Variants in WDR1 observed in about 807,000 individuals in gnomAD.
The protein encoded by WDR1 is WD repeat-containing protein 1.
In WDR1, 21 loss-of-function variants were observed where a neutral mutation model predicts 71.9. The observed-to-expected ratio is 0.29, with a 90% CI of 0.21 to 0.42. The LOEUF (loss-of-function observed/expected upper bound fraction) is 0.42. Among genes scored for constraint, WDR1 ranks in the 10% least tolerant of loss-of-function variants. WDR1 has a pLI of 1.00. For synonymous variants in WDR1, 424 were observed against 347.4 expected, an observed-to-expected ratio of 1.22 and a Z score of -2.45; for missense variants, 696 against 824.5, an observed-to-expected ratio of 0.84 and a Z score of 1.91.
chr4:10,084,425 C>T lies in WDR1; in HGVS notation c.1039+18G>A. On this transcript the variant is annotated intron_variant, in intron 9 of 14. Coordinates refer to ENST00000499869, the MANE Select transcript of WDR1 (RefSeq NM_017491.5). The stretch of plus-strand genomic sequence containing the variant: ...AGAGCCAGCGGCTCCGGAGCCAGCT[C>T]TTTGAGTCAAAGGATATTAATGTGT... The T allele has an allele frequency of 6.2e-7, 1 of 1,612,036 alleles. No individual in the cohort carries two copies. The highest frequency in any genetic ancestry group is 8.5e-7 in the Non-Finnish European group (1 of 1,178,814).
intron 3 of WDR1, among the ~76,000 whole-genome samples, chr4:10,102,777 A>G (rs891545162): frequency 2.6e-5 from 4 of 152,178 alleles, no homozygotes; most frequent in African/African-American, 9.6e-5. Flanking sequence ...CACGGCGTGC[A>G]TGAGTCCCGC....
At chr4:10,078,035 T>A in intron 12 of WDR1, 109 bp from the exon 13 acceptor site, 1 of 1,303,558 alleles carries the variant, frequency 7.7e-7, no homozygotes, top group African/African-American at 1.5e-5. Context: ...TCCCACTGAC[T>A]GCTGCTCTGC....
At chr4:10,077,209 G>C in intron 14 of WDR1, 95 bp downstream of exon 14, 2 of 1,501,470 alleles carry the variant, frequency 1.3e-6, no homozygotes, top group Admixed American at 2.0e-5. Flanking sequence ...AGGCTACTTA[G>C]CCCTGGGGAC....
At chr4:10,112,442 G>A (rs894331651) in intron 2 of WDR1, among the ~76,000 whole-genome samples, 3 of 152,124 alleles carry the variant, frequency 2.0e-5, no homozygotes, top group South Asian at 2.1e-4. Context: ...TTTCTACATG[G>A]CCACCATTAT....
intron 2 of WDR1, among the ~76,000 whole-genome samples, chr4:10,109,046 A>T (rs1045427461): frequency 1.3e-5 from 2 of 152,278 alleles, no homozygotes; most frequent in Non-Finnish European, 2.9e-5. Context: ...TTATCAAGAA[A>T]CAAATCCCCA....
intron 8 of WDR1, 51 bp from the exon 9 acceptor site, chr4:10,084,581 C>G: frequency 6.5e-7 from 1 of 1,549,484 alleles, no homozygotes; most frequent in Non-Finnish European, 8.9e-7. Flanking sequence ...CTGCCCTGCC[C>G]TCTGCCACCC....
chr4:10,116,178 C>T lies in WDR1; in HGVS notation c.73G>A (p.Gly25Ser). 6.2e-7 allele frequency: 1 copy of T among 1,613,756 alleles called. No individual in the cohort carries two copies. Among genetic ancestry groups the T allele is most frequent in the Admixed American group, 1.7e-5 (1 of 60,006 alleles). Residue 25 changes from glycine to serine, a missense_variant, in exon 2 of 15, where the codon GGC becomes AGC. Coordinates refer to ENST00000499869, the MANE Select transcript of WDR1 (RefSeq NM_017491.5). ...VERGVSKIIG[G>S]DPKGNNFLYT... ...AGAAAATTGTTGCCCTTAGGGTCGC[C>T]GCCGATGATCTTGGAGACGCCCCTC...
chr4:10,109,781 A>G (rs567850311), intron 2 of WDR1, among the ~76,000 whole-genome samples: 314 of 152,312 alleles, frequency 2.1e-3, no homozygotes, highest in African/African-American at 7.2e-3. Context: ...GGTGGCTCCC[A>G]GGGTTCAAAT....
At chr4:10,093,132 C>A in intron 5 of WDR1, 1 of 1,289,410 alleles carries the variant, frequency 7.8e-7, no homozygotes, top group Non-Finnish European at 1.0e-6. Flanking sequence ...GCTGCAGGCC[C>A]CAGCTGGCCT....
rs1711721121 is a variant in WDR1, at chr4:10,088,295, C to T, written c.715G>A (p.Ala239Thr). Residue 239 changes from alanine (A) to threonine (T), a missense_variant and splice_region_variant, in exon 7 of 15, where the codon GCA becomes ACA. Transcript: ENST00000499869. ...GSKAHDGGIY[A>T]ISWSPDSTHL... ...CCGGGAAACACGCTCATACTCACTGCGTAAATCCCACCGTCGTGGGCCTTG... is the reference window on the plus strand; with the variant it reads ...CCGGGAAACACGCTCATACTCACTGTGTAAATCCCACCGTCGTGGGCCTTG... 3.2e-6 allele frequency: 5 copies of T among 1,552,982 alleles called. No homozygotes were observed. Among genetic ancestry groups the T allele is most frequent in the Non-Finnish European group, 4.4e-6 (5 of 1,148,004 alleles).
At chr4:10,079,996 G>T (rs1764951739) in intron 11 of WDR1, among the ~76,000 whole-genome samples, 1 of 152,050 alleles carries the variant, frequency 6.6e-6, no homozygotes, top group Non-Finnish European at 1.5e-5. Flanking sequence ...CTGGTGACAG[G>T]GAGCTCTGCA....
intron 4 of WDR1, among the ~76,000 whole-genome samples, chr4:10,098,360 T>C (rs1712482675): frequency 6.6e-6 from 1 of 152,204 alleles, no homozygotes; most frequent in Non-Finnish European, 1.5e-5. Flanking sequence ...GAAAAACACC[T>C]ACTAGAACAT....
Position 10,084,487 on chromosome 4 carries a change from C to T in WDR1, c.995G>A (p.Gly332Asp). ...CCCAGAGTAAATGTAGGACTTGCCG[C>T]CGTTTTTATGCACCGTCAGACACTG... ...SIQCLTVHKN[G>D]GKSYIYSGSH... is the part of the protein sequence containing the mutation. The change falls in exon 9 of 15, where the codon GGC becomes GAC. Residue 332 changes from glycine to aspartate, a missense_variant. Physicochemically the swap from Gly to Asp is moderately conservative, Grantham distance 94. Coordinates refer to ENST00000499869, the MANE Select transcript of WDR1 (RefSeq NM_017491.5). 6.2e-7 allele frequency: 1 copy of T among 1,613,934 alleles called. No homozygotes were observed. Among genetic ancestry groups the T allele is most frequent in the African/African-American group, 1.3e-5 (1 of 75,022 alleles).
intron 5 of WDR1, among the ~76,000 whole-genome samples, chr4:10,089,019 T>G (rs1209362832): frequency 2.0e-5 from 3 of 152,016 alleles, no homozygotes; most frequent in East Asian, 3.9e-4. Flanking sequence ...CCCCCCCCAG[T>G]GAGGTGCCCC....
At chr4:10,115,604 A>G (rs542273925) in intron 2 of WDR1, among the ~76,000 whole-genome samples, 3 of 152,330 alleles carry the variant, frequency 2.0e-5, no homozygotes, top group Admixed American at 6.5e-5. Context: ...CCAGCAGCTC[A>G]TTCATTCCAT....
In WDR1 at chr4:10,078,958, T is replaced by C. The variant is rs752504231; in HGVS notation, c.1328A>G (p.Asn443Ser). The stretch of plus-strand genomic sequence containing the variant: ...CACAACTTCGGGCTCGTAGCCGGGG[T>C]TGTCGATGCTGAAGCACTTCCTCTG... ...KDQRKCFSID[N>S]PGYEPEVVAV... Residue 443 changes from asparagine (N) to serine (S), a missense_variant, in exon 12 of 15, where the codon AAC (asparagine) becomes AGC (serine). Physicochemically the swap from Asn to Ser is conservative, Grantham distance 46 (BLOSUM62 1). Transcript: ENST00000499869. 11 of 1,611,004 alleles carry C rather than the reference T, an allele frequency of 6.8e-6. No homozygotes were observed. Among genetic ancestry groups the C allele is most frequent in the East Asian group, 4.5e-5 (2 of 44,572 alleles).
Position 10,116,167 on chromosome 4 carries a change from C to G in WDR1, c.84G>C (p.Lys28Asn), listed in dbSNP as rs374784065. 6.2e-7 allele frequency: 1 copy of G among 1,613,538 alleles called. No individual in the cohort carries two copies. The highest frequency in any genetic ancestry group is 1.3e-5 in the African/African-American group (1 of 74,938). Reference protein sequence around the residue: ...GVSKIIGGDPKGNNFLYTNGK... With the variant: ...GVSKIIGGDPNGNNFLYTNGK... ...CATTGGTGTACAGAAAATTGTTGCC[C>G]TTAGGGTCGCCGCCGATGATCTTGG... The change falls in exon 2 of 15, where the codon AAG becomes AAC. Residue 28 changes from lysine to asparagine, a missense_variant. Physicochemically the swap from Lys to Asn is moderately conservative, Grantham distance 94. Transcript: ENST00000499869.
At chr4:10,090,869 C>T (rs1172408988) in intron 5 of WDR1, among the ~76,000 whole-genome samples, 1 of 152,264 alleles carries the variant, frequency 6.6e-6, no homozygotes, top group African/African-American at 2.4e-5. Flanking sequence ...TGCCTCATTT[C>T]AGGGAGTGCT....
chr4:10,111,650 C>T (rs556624845), intron 2 of WDR1, among the ~76,000 whole-genome samples: 2 of 152,312 alleles, frequency 1.3e-5, no homozygotes, highest in South Asian at 4.1e-4. Flanking sequence ...AGCAGGCGTC[C>T]AATTCCGGAG....
Sources: allele counts gnomAD v4.1 joint callset (sites outside exome capture counted in the v4.1 genomes callset), GRCh38; gene constraint gnomAD v4.1.1; transcripts MANE v1.5; gene names NCBI Gene and HGNC (gene_info 2026-07-23, HGNC 2026-07-21).